Variants in TSPAN12 observed in about 807,000 individuals in gnomAD.
TSPAN12 encodes tetraspanin-12.
TSPAN12 carries 19 observed loss-of-function variants against 39.2 expected under a neutral mutation model. That is an observed-to-expected ratio of 0.49 (90% CI 0.34 to 0.71). TSPAN12 has a LOEUF of 0.71. Among genes scored for constraint, TSPAN12 ranks in the 30% least tolerant of loss-of-function variants. The probability of loss-of-function intolerance (pLI) is 0.01; values close to 1 mark genes in which losing one functional copy is unlikely to be tolerated. For synonymous variants in TSPAN12, 119 were observed against 124.8 expected (o/e 0.95, Z 0.31); for missense variants, 314 against 359.9 (o/e 0.87, Z 1.03).
At chr7:120,815,928 A>C in intron 4 of TSPAN12, 125 bp from the exon 5 acceptor site, 1 of 757,724 alleles carries the variant, frequency 1.3e-6, no homozygotes. Context: ...GAAGCCCCTC[A>C]GAAGCAGATG....
At chr7:120,789,013 A>G in intron 7 of TSPAN12, 116 bp from the exon 8 acceptor site, 2 of 1,093,454 alleles carry the variant, frequency 1.8e-6, no homozygotes, top group Admixed American at 3.8e-5. Flanking sequence ...TGGGATCATA[A>G]AGTTTAAGAC....
intron 4 of TSPAN12, among the ~76,000 whole-genome samples, chr7:120,827,502 G>T (rs1017436088): frequency 1.3e-5 from 2 of 152,138 alleles, no homozygotes; most frequent in Non-Finnish European, 2.9e-5. Flanking sequence ...GAAGAAAAAT[G>T]ATGTATAAAC....
intron 7 of TSPAN12, among the ~76,000 whole-genome samples, chr7:120,799,544 T>TTA (rs1363707301): frequency 9.4e-6 from 1 of 105,956 alleles, no homozygotes; most frequent in East Asian, 2.2e-4. Flanking sequence ...TTATATATAA[T>TTA]TATATATATA....
intron 2 of TSPAN12, among the ~76,000 whole-genome samples, chr7:120,846,882 G>C (rs1275143955): frequency 6.6e-6 from 1 of 152,142 alleles, no homozygotes; most frequent in Non-Finnish European, 1.5e-5. Context: ...AAGATCTAAA[G>C]GATAATTATC....
In TSPAN12 at chr7:120,848,189, A is replaced by T. The variant is rs534231237; in HGVS notation, c.67-8080T>A. 2.0e-4 allele frequency among the ~76,000 whole-genome samples: 30 copies of T among 152,332 alleles called. No homozygotes were observed. The East Asian group carries it at 5.6e-3, about 28-fold the overall frequency. On this transcript the variant is annotated intron_variant, in intron 2 of 7. Transcript: ENST00000222747. ...CCAGCTTGAACATCAAGTCCAGTGT[A>T]AAGATTCTCTCCCAACTCCCGCCTT...
Position 120,787,774 on chromosome 7 carries a change from G to A in TSPAN12, c.*818C>T, listed in dbSNP as rs956621752. ...AAGACCAGACTACATTCTGAATAAT[G>A]ATTCCTATGTATCACACTGGTAATT... On this transcript the variant is annotated 3_prime_UTR_variant, in exon 8 of 8. Transcript: ENST00000222747. The A allele has an allele frequency of 6.6e-6, 1 of 152,238 alleles. No individual in the cohort carries two copies. The highest frequency in any genetic ancestry group is 2.4e-5 in the African/African-American group (1 of 41,448). 9.4% of individuals were successfully genotyped at this position (152,238 alleles called of 1,614,324 possible). A position where few individuals can be genotyped will look rare whatever the true frequency, so the allele number is the denominator to read the frequency against.
chr7:120,830,931 A>G (rs1794378352), intron 4 of TSPAN12, among the ~76,000 whole-genome samples: 1 of 152,136 alleles, frequency 6.6e-6, no homozygotes, highest in African/African-American at 2.4e-5. Context: ...AATGGACTCA[A>G]ACAACTCAAT....
intron 2 of TSPAN12, among the ~76,000 whole-genome samples, chr7:120,849,752 A>G (rs566211984): frequency 1.3e-5 from 2 of 152,160 alleles, no homozygotes; most frequent in African/African-American, 4.8e-5. Flanking sequence ...AAGAATTTAA[A>G]TTTTTCTGGT....
rs915421545 is a variant in TSPAN12, at chr7:120,788,283, T to C, written c.*309A>G. 1.9e-4 allele frequency: 72 copies of C among 388,132 alleles called. No homozygotes were observed. Among genetic ancestry groups the C allele is most frequent in the African/African-American group, 1.5e-3 (71 of 48,630 alleles). The allele number at this position is 388,132 out of a possible 1,614,324, so 24.0% of individuals were successfully genotyped here. On this transcript the variant is annotated 3_prime_UTR_variant, in exon 8 of 8. Transcript: ENST00000222747. ...TCCCACCATATGTGACTCGTTTGCA[T>C]GGATGCGGAAATGCTAATCAAACCA...
At chr7:120,790,058 C>A (rs1206801685) in intron 7 of TSPAN12, among the ~76,000 whole-genome samples, 1 of 152,142 alleles carries the variant, frequency 6.6e-6, no homozygotes, top group Non-Finnish European at 1.5e-5. Context: ...TCCTCAAGCT[C>A]ATCTTTAAAA....
chr7:120,841,808 G>A (rs1233827641), intron 2 of TSPAN12, among the ~76,000 whole-genome samples: 2 of 152,148 alleles, frequency 1.3e-5, no homozygotes, highest in Non-Finnish European at 2.9e-5. Context: ...AGGGCATGTT[G>A]ATAATTGTTG....
rs578103483 is a variant in TSPAN12, at chr7:120,816,659, TG to T, written c.286-857del. Among the ~76,000 whole-genome samples the T allele has an allele frequency of 2.1e-3, 315 of 152,240 alleles. 1 individual carries two copies. Among genetic ancestry groups the T allele is most frequent in the Non-Finnish European group, 3.7e-3 (252 of 68,024 alleles). The stretch of plus-strand genomic sequence containing the variant: ...AAGATGCACTGAAGCCAGATTATGG[TG>T]AACTTTAAATAATACACTAGTGAAT... On this transcript the variant is annotated intron_variant, in intron 4 of 7. Coordinates refer to ENST00000222747, the MANE Select transcript of TSPAN12 (RefSeq NM_012338.4).
At position 120,852,023 on chromosome 7, in the gene TSPAN12, G is replaced by A. The variant is rs76515852; in HGVS notation, c.66+4675C>T. ...TGCTATGGATTGTTTCTTCTTAGAC[G>A]CATTTATAGCTTACACTTAAAAACA... On this transcript the variant is annotated intron_variant, in intron 2 of 7. Transcript: ENST00000222747. Among the ~76,000 whole-genome samples the A allele has an allele frequency of 4.0e-3, 609 of 152,054 alleles. 2 individuals carry two copies. The highest frequency in any genetic ancestry group is 6.4e-3 in the Non-Finnish European group (432 of 67,988).
intron 2 of TSPAN12, among the ~76,000 whole-genome samples, chr7:120,848,735 C>A (rs1288207302): frequency 6.6e-6 from 1 of 152,110 alleles, no homozygotes; most frequent in South Asian, 2.1e-4. Context: ...AAACAAGCAA[C>A]CCTGGGAATA....
chr7:120,815,872 G>T, intron 4 of TSPAN12, 69 bp from the exon 5 acceptor site: 1 of 1,408,076 alleles, frequency 7.1e-7, no homozygotes, highest in Non-Finnish European at 9.8e-7. Context: ...GACAGACTTG[G>T]TATTATGTTT....
In TSPAN12 at chr7:120,792,062, C is replaced by T. The variant is rs1384213329; in HGVS notation, c.613-3165G>A. On this transcript the variant is annotated intron_variant, in intron 7 of 7. Coordinates refer to ENST00000222747, the MANE Select transcript of TSPAN12 (RefSeq NM_012338.4). ...CGGCAATCTGAGGAGCGTTTATTCACGAAAAGCTGCTGAATCTCTTAGGAA... is the reference window on the plus strand; with the variant it reads ...CGGCAATCTGAGGAGCGTTTATTCATGAAAAGCTGCTGAATCTCTTAGGAA... Among the ~76,000 whole-genome samples, 6 of 152,142 alleles carry T rather than the reference C, an allele frequency of 3.9e-5. No individual in the cohort carries two copies. In the East Asian group the frequency reaches 5.8e-4, roughly 15 times the overall value.
At chr7:120,814,475 A>C (rs914495035) in intron 5 of TSPAN12, among the ~76,000 whole-genome samples, 1 of 152,186 alleles carries the variant, frequency 6.6e-6, no homozygotes, top group Non-Finnish European at 1.5e-5. Flanking sequence ...AGAACTACAT[A>C]TGGAAAATCA....
chr7:120,788,889 C>T lies in TSPAN12; in HGVS notation c.621G>A (p.Gly207=). The change falls in exon 8 of 8, where the codon GGG becomes GGA. Residue 207 remains glycine (G), a synonymous_variant. Coordinates refer to ENST00000222747, the MANE Select transcript of TSPAN12 (RefSeq NM_012338.4). ...CTCTCAAAAAGGAATACATTTTCTT[C>T]CCACAACCCTGTAAAAGAAATACAT... ...DLSDLYQEGC[G]KKMYSFLRGT... The T allele has an allele frequency of 6.2e-7, 1 of 1,614,028 alleles. No homozygotes were observed. Among genetic ancestry groups the T allele is most frequent in the Non-Finnish European group, 8.5e-7 (1 of 1,179,996 alleles).
Position 120,843,707 on chromosome 7 carries a change from G to C in TSPAN12, c.67-3598C>G, listed in dbSNP as rs115465913. ...TTGGGATTTACGAATATAATAAACTGTCTTCTCAATGGCAGCCATCTCCTG... is the reference window on the plus strand; with the variant it reads ...TTGGGATTTACGAATATAATAAACTCTCTTCTCAATGGCAGCCATCTCCTG... On this transcript the variant is annotated intron_variant, in intron 2 of 7. Coordinates refer to ENST00000222747, the MANE Select transcript of TSPAN12 (RefSeq NM_012338.4). 5.0e-3 allele frequency among the ~76,000 whole-genome samples: 764 copies of C among 152,236 alleles called. 6 individuals carry two copies. The highest frequency in any genetic ancestry group is 0.017 in the African/African-American group (725 of 41,546).
Sources: allele counts gnomAD v4.1 joint callset (sites outside exome capture counted in the v4.1 genomes callset), GRCh38; gene constraint gnomAD v4.1.1; transcripts MANE v1.5; gene names NCBI Gene and HGNC (gene_info 2026-07-23, HGNC 2026-07-21).